The following SGCD variants were observed in gnomAD, a reference collection of about 807,000 sequenced individuals.
The protein encoded by SGCD is delta-sarcoglycan.
SGCD carries 18 observed loss-of-function variants against 36.6 expected under a neutral mutation model. The ratio of observed to expected loss-of-function variants is 0.49; its 90% confidence interval spans 0.34 to 0.73. The LOEUF (loss-of-function observed/expected upper bound fraction) is 0.73, where lower values mean the gene tolerates loss of function less well. Ranked by LOEUF, SGCD falls within the 30% of genes least tolerant of loss-of-function variation. SGCD has a pLI of 0.01. For missense variants in SGCD, 387 were observed against 346.7 expected, an observed-to-expected ratio of 1.12 and a Z score of -0.92; for synonymous variants, 133 against 130.6, an observed-to-expected ratio of 1.02 and a Z score of -0.12.
intron 3 of SGCD, among the ~76,000 whole-genome samples, chr5:156,278,009 T>C (rs1766359918): frequency 6.6e-6 from 1 of 152,076 alleles, no homozygotes; most frequent in Admixed American, 6.6e-5. Flanking sequence ...AATAATAGGT[T>C]CATATAAAAG....
chr5:155,762,569 C>T, the SGCD span, among the ~76,000 whole-genome samples: 1 of 152,108 alleles, frequency 6.6e-6, no homozygotes, highest in Admixed American at 6.6e-5. Context: ...TGTTCTTAAC[C>T]ACAAGCTTGT....
At chr5:156,507,339 C>A (rs945146152) in intron 3 of SGCD, among the ~76,000 whole-genome samples, 2 of 152,184 alleles carry the variant, frequency 1.3e-5, no homozygotes, top group African/African-American at 4.8e-5. Flanking sequence ...GGAAGTGAGG[C>A]CATGAGCCCA....
chr5:156,187,918 G>C (rs1763802117), intron 3 of SGCD, among the ~76,000 whole-genome samples: 1 of 152,184 alleles, frequency 6.6e-6, no homozygotes, highest in South Asian at 2.1e-4. Flanking sequence ...TAGTGATTGT[G>C]ATCCAGGAGG....
intron 4 of SGCD, among the ~76,000 whole-genome samples, chr5:156,542,030 C>T (rs1385888575): frequency 1.3e-5 from 2 of 152,116 alleles, no homozygotes; most frequent in Non-Finnish European, 2.9e-5. Flanking sequence ...AAAATCACTG[C>T]AAACATTTGA....
chr5:156,014,192 G>T (rs1044711247), intron 1 of SGCD, among the ~76,000 whole-genome samples: 1 of 152,052 alleles, frequency 6.6e-6, no homozygotes, highest in Non-Finnish European at 1.5e-5. Flanking sequence ...TTTATAATGA[G>T]ATTCAATATC....
chr5:156,210,543 T>C (rs912723740), intron 3 of SGCD, among the ~76,000 whole-genome samples: 1 of 151,608 alleles, frequency 6.6e-6, no homozygotes, highest in African/African-American at 2.4e-5. Flanking sequence ...ATCAAGAATA[T>C]ACAGAGAAAC....
intron 3 of SGCD, among the ~76,000 whole-genome samples, chr5:156,484,638 T>C (rs1186724472): frequency 6.6e-6 from 1 of 152,238 alleles, no homozygotes; most frequent in Non-Finnish European, 1.5e-5. Context: ...AAATGGCTTT[T>C]TTGTATTCCT....
At chr5:156,594,911 C>G (rs755231451) in intron 5 of SGCD, 21 bp from the exon 6 acceptor site, 33 of 1,531,920 alleles carry the variant, frequency 2.2e-5, no homozygotes, top group Admixed American at 1.4e-4. Context: ...CTCTATCTCT[C>G]TATCTCTCTA....
chr5:156,195,691 C>T (rs1764008692), intron 3 of SGCD, among the ~76,000 whole-genome samples: 1 of 152,156 alleles, frequency 6.6e-6, no homozygotes, highest in Non-Finnish European at 1.5e-5. Context: ...CCGTACCTTG[C>T]TTTATGATGC....
chr5:156,522,197 G>A (rs771669945), intron 4 of SGCD, among the ~76,000 whole-genome samples: 11 of 152,122 alleles, frequency 7.2e-5, no homozygotes, highest in Non-Finnish European at 1.5e-4. Flanking sequence ...CTGTCAGGGG[G>A]TGGGGGGCTG....
chr5:156,281,056 T>A (rs533889114), intron 3 of SGCD, among the ~76,000 whole-genome samples: 29 of 152,304 alleles, frequency 1.9e-4, no homozygotes, highest in African/African-American at 7.0e-4. Flanking sequence ...ACATTAATTG[T>A]GTACATACAG....
chr5:156,462,485 T>G (rs553013629), intron 3 of SGCD, among the ~76,000 whole-genome samples: 2 of 152,320 alleles, frequency 1.3e-5, no homozygotes, highest in South Asian at 4.1e-4. Flanking sequence ...GGAAAGGACT[T>G]AATTTACTAA....
At chr5:156,615,072 T>C (rs1761971546) in intron 6 of SGCD, among the ~76,000 whole-genome samples, 1 of 152,230 alleles carries the variant, frequency 6.6e-6, no homozygotes, top group African/African-American at 2.4e-5. Context: ...AGATGAGGCA[T>C]GATGTAGTTT....
chr5:156,165,502 G>A (rs1026965522), intron 3 of SGCD, among the ~76,000 whole-genome samples: 4 of 152,172 alleles, frequency 2.6e-5, no homozygotes, highest in African/African-American at 9.7e-5. Context: ...TTCCAGAGTT[G>A]TGCCAATTTT....
chr5:156,004,375 T>C (rs1480588513), intron 1 of SGCD, among the ~76,000 whole-genome samples: 1 of 152,240 alleles, frequency 6.6e-6, no homozygotes, highest in African/African-American at 2.4e-5. Context: ...CTATTATTAA[T>C]GATAATGATG....
At chr5:156,468,327 G>A (rs113652890) in intron 3 of SGCD, among the ~76,000 whole-genome samples, 1,531 of 129,128 alleles carry the variant, frequency 0.012, 30 homozygotes, top group African/African-American at 0.044. Context: ...GGTGACAAGA[G>A]TGAGACCTTG....
At chr5:156,564,703 T>C (rs1487716157) in intron 4 of SGCD, among the ~76,000 whole-genome samples, 3 of 152,132 alleles carry the variant, frequency 2.0e-5, no homozygotes, top group Admixed American at 6.6e-5. Context: ...TTTCTATGAA[T>C]GTGACCATTT....
At chr5:156,303,068 C>T (rs1391837604) in intron 3 of SGCD, among the ~76,000 whole-genome samples, 2 of 152,158 alleles carry the variant, frequency 1.3e-5, no homozygotes, top group Non-Finnish European at 2.9e-5. Context: ...GTTAGCTGCC[C>T]CAACCCTCCA....
chr5:156,206,248 T>C (rs1490888068), intron 3 of SGCD, among the ~76,000 whole-genome samples: 2 of 151,950 alleles, frequency 1.3e-5, no homozygotes, highest in Non-Finnish European at 2.9e-5. Context: ...TACAGTGGTG[T>C]GTTCAACCAG....
Sources: allele counts gnomAD v4.1 joint callset (sites outside exome capture counted in the v4.1 genomes callset), GRCh38; gene constraint gnomAD v4.1.1; transcripts MANE v1.5; gene names NCBI Gene and HGNC (gene_info 2026-07-23, HGNC 2026-07-21).